RAB11FIP4: variants seen among roughly 807,000 people sequenced by gnomAD.
RAB11FIP4 encodes the protein RAB11 family interacting protein 4.
In RAB11FIP4, 23 loss-of-function variants were observed where a neutral mutation model predicts 74.3. The observed-to-expected ratio is 0.31, with a 90% CI of 0.22 to 0.44. The LOEUF is 0.44. RAB11FIP4 is among the 20% of genes least tolerant of loss of function. The pLI, the probability that RAB11FIP4 is intolerant of heterozygous loss-of-function variation, is 1.00. For missense variants in RAB11FIP4, 630 were observed against 863.9 expected (o/e 0.73, Z 3.39); for synonymous variants, 360 against 359.9 (o/e 1.00, Z 0.00).
At chr17:31,433,250 AG>A (rs2071326654) in intron 2 of RAB11FIP4, among the ~76,000 whole-genome samples, 2 of 152,206 alleles carry the variant, frequency 1.3e-5, no homozygotes, top group Non-Finnish European at 2.9e-5. Flanking sequence ...CTGGAGTCCC[AG>A]GGTGTCTGCT....
intron 3 of RAB11FIP4, among the ~76,000 whole-genome samples, chr17:31,494,654 A>C (rs1474063552): frequency 6.6e-6 from 1 of 151,720 alleles, no homozygotes; most frequent in Non-Finnish European, 1.5e-5. Context: ...TTTTTAAAAA[A>C]AAAGTAGAAA....
intron 1 of RAB11FIP4, among the ~76,000 whole-genome samples, chr17:31,403,309 T>G (rs2071011559): frequency 6.6e-6 from 1 of 151,828 alleles, no homozygotes; most frequent in African/African-American, 2.4e-5. Flanking sequence ...TGGCTGCCTT[T>G]GTATTTCTTT....
At position 31,530,484 on chromosome 17, in the gene RAB11FIP4, G is replaced by A. The variant is rs765750166; in HGVS notation, c.1797+15G>A. ...CGCGCGATGAGGTAACCACACCACC[G>A]GCTCTTGCTTTGGGGCCTGGCCGCC... is the stretch of plus-strand genomic sequence containing the variant. On this transcript the variant is annotated intron_variant, in intron 14 of 14. Transcript: ENST00000621161. 2.7e-5 allele frequency: 43 copies of A among 1,605,340 alleles called. No homozygotes were observed. In the Middle Eastern group the frequency reaches 5.3e-4, roughly 20 times the overall value.
chr17:31,524,034 G>A (rs1368358221), intron 9 of RAB11FIP4, 38 bp downstream of exon 9: 10 of 1,476,730 alleles, frequency 6.8e-6, no homozygotes, highest in South Asian at 3.5e-5. Flanking sequence ...CGGCCGTGAC[G>A]CTGGGGAACA....
At chr17:31,505,514 T>G (rs2072311832) in intron 3 of RAB11FIP4, among the ~76,000 whole-genome samples, 2 of 74,474 alleles carry the variant, frequency 2.7e-5, no homozygotes, top group South Asian at 5.5e-4. Flanking sequence ...TTATATATAA[T>G]AATTATATAT....
chr17:31,473,340 G>C lies in RAB11FIP4; in HGVS notation c.336+39218G>C, dbSNP rs143291555. ...GGATTGCTTGAGGCCAGGAGTTCAA[G>C]ACCAGCCTGGACAACAAAGCAAGAC... On this transcript the variant is annotated intron_variant, in intron 3 of 14. Coordinates refer to ENST00000621161, the MANE Select transcript of RAB11FIP4 (RefSeq NM_032932.6). 2.0e-5 allele frequency among the ~76,000 whole-genome samples: 3 copies of C among 150,470 alleles called. No individual in the cohort carries two copies. The East Asian group carries it at 5.9e-4, about 30-fold the overall frequency.
At chr17:31,486,942 A>C (rs1257615353) in intron 3 of RAB11FIP4, among the ~76,000 whole-genome samples, 1 of 152,164 alleles carries the variant, frequency 6.6e-6, no homozygotes, top group Non-Finnish European at 1.5e-5. Flanking sequence ...GAGGCAGAGA[A>C]GTGGGCAAAG....
chr17:31,478,393 C>A (rs1676271857), intron 3 of RAB11FIP4, among the ~76,000 whole-genome samples: 1 of 152,114 alleles, frequency 6.6e-6, no homozygotes, highest in South Asian at 2.1e-4. Context: ...GAACACTGAT[C>A]CCTTGTGTTG....
chr17:31,434,133 G>C lies in RAB11FIP4; in HGVS notation c.336+11G>C. 7 of 1,568,528 alleles carry C rather than the reference G, an allele frequency of 4.5e-6. No homozygotes were observed. The highest frequency in any genetic ancestry group is 6.0e-6 in the Non-Finnish European group (7 of 1,164,076). The stretch of plus-strand genomic sequence containing the variant: ...GACTGCGTGGAGCAGGTAAGGCTTG[G>C]GGGGCCTCAAGGACCTCCATGGCTC... On this transcript the variant is annotated intron_variant, in intron 3 of 14. Coordinates refer to ENST00000621161, the MANE Select transcript of RAB11FIP4 (RefSeq NM_032932.6).
chr17:31,505,474 AATT>A (rs1431388838), intron 3 of RAB11FIP4, among the ~76,000 whole-genome samples: 2 of 84,856 alleles, frequency 2.4e-5, no homozygotes, highest in South Asian at 3.0e-4. Flanking sequence ...ATATAATAAT[AATT>A]ATAATATATA....
chr17:31,443,263 C>T (rs549236644), intron 3 of RAB11FIP4, among the ~76,000 whole-genome samples: 1 of 152,130 alleles, frequency 6.6e-6, no homozygotes, highest in Non-Finnish European at 1.5e-5. Context: ...TTTTTAAGAA[C>T]CAGAAATATA....
intron 2 of RAB11FIP4, among the ~76,000 whole-genome samples, chr17:31,432,680 C>T (rs1047650008): frequency 6.6e-6 from 1 of 152,150 alleles, no homozygotes; most frequent in Non-Finnish European, 1.5e-5. Flanking sequence ...CTTAATTCTT[C>T]CTAATTCCTG....
At chr17:31,475,114 C>T (rs2071778900) in intron 3 of RAB11FIP4, among the ~76,000 whole-genome samples, 1 of 152,024 alleles carries the variant, frequency 6.6e-6, no homozygotes, top group Non-Finnish European at 1.5e-5. Context: ...GGATGGGGTC[C>T]AGGGCCCACA....
At chr17:31,476,304 C>T (rs1303467672) in intron 3 of RAB11FIP4, among the ~76,000 whole-genome samples, 9 of 151,462 alleles carry the variant, frequency 5.9e-5, no homozygotes, top group Non-Finnish European at 1.3e-4. Flanking sequence ...CCTGCCTCAG[C>T]CTCCCAAGTA....
At chr17:31,428,038 T>A (rs1208414130) in intron 1 of RAB11FIP4, among the ~76,000 whole-genome samples, 1 of 152,200 alleles carries the variant, frequency 6.6e-6, no homozygotes, top group African/African-American at 2.4e-5. Flanking sequence ...AGAAAGAATG[T>A]GGCACGGCCC....
At chr17:31,417,905 C>G (rs2071163229) in intron 1 of RAB11FIP4, among the ~76,000 whole-genome samples, 1 of 152,110 alleles carries the variant, frequency 6.6e-6, no homozygotes, top group South Asian at 2.1e-4. Flanking sequence ...TCAAGACCAA[C>G]CTGGGCAACA....
intron 2 of RAB11FIP4, 28 bp from the exon 3 acceptor site, chr17:31,434,006 T>C (rs1344508427): frequency 6.4e-7 from 1 of 1,562,178 alleles, no homozygotes; most frequent in African/African-American, 1.3e-5. Flanking sequence ...AACCCCTCAC[T>C]GTCCCGTGTG....
chr17:31,521,040 A>G (rs1211377408), intron 4 of RAB11FIP4, 126 bp from the exon 5 acceptor site: 1 of 689,642 alleles, frequency 1.5e-6, no homozygotes, highest in Non-Finnish European at 2.4e-6. Flanking sequence ...TGTACTTACC[A>G]GGTCAAGAGC....
intron 3 of RAB11FIP4, among the ~76,000 whole-genome samples, chr17:31,479,915 G>A (rs1367009153): frequency 6.6e-6 from 1 of 152,110 alleles, no homozygotes; most frequent in African/African-American, 2.4e-5. Flanking sequence ...TTAATGCATT[G>A]TGATTTCATG....
Sources: allele counts gnomAD v4.1 joint callset (sites outside exome capture counted in the v4.1 genomes callset), GRCh38; gene constraint gnomAD v4.1.1; transcripts MANE v1.5; gene names NCBI Gene and HGNC (gene_info 2026-07-23, HGNC 2026-07-21).